SCIN: variants seen among roughly 807,000 people sequenced by gnomAD.
SCIN encodes the protein adseverin.
In SCIN, 91 loss-of-function variants were observed where a neutral mutation model predicts 91.8. The ratio of observed to expected loss-of-function variants is 0.99; its 90% CI spans 0.84 to 1.18. The LOEUF is 1.18. Among genes scored for constraint, SCIN ranks in the 50% most tolerant of loss-of-function variants. SCIN has a pLI of 0.00. For synonymous variants in SCIN, 367 were observed against 312.6 expected (o/e 1.17, Z -1.84); for missense variants, 1,087 against 863.9 (o/e 1.26, Z -3.24).
At chr7:12,608,627 AC>A (rs1783129377) in intron 4 of SCIN, among the ~76,000 whole-genome samples, 1 of 151,848 alleles carries the variant, frequency 6.6e-6, no homozygotes, top group Non-Finnish European at 1.5e-5. Flanking sequence ...ACAGGCACCC[AC>A]CACCACACCC....
At chr7:12,609,553 CTA>C (rs2115256458) in intron 4 of SCIN, among the ~76,000 whole-genome samples, 1 of 151,822 alleles carries the variant, frequency 6.6e-6, no homozygotes, top group Non-Finnish European at 1.5e-5. Context: ...GAAAAAAATA[CTA>C]TGTTTTTTAG....
intron 9 of SCIN, among the ~76,000 whole-genome samples, chr7:12,629,665 T>C (rs1393881159): frequency 6.6e-6 from 1 of 152,220 alleles, no homozygotes; most frequent in Non-Finnish European, 1.5e-5. Flanking sequence ...CTCAACTTGA[T>C]GCAATTCTTA....
In SCIN at chr7:12,578,133, G is replaced by T; in HGVS notation, c.269G>T (p.Gly90Val). 2 of 1,551,308 alleles carry T rather than the reference G, an allele frequency of 1.3e-6. No homozygotes were observed. The highest frequency in any genetic ancestry group is 1.7e-6 in the Non-Finnish European group (2 of 1,146,708). Residue 90 changes from glycine to valine, a missense_variant, in exon 2 of 16, where the codon GGT (glycine) becomes GTT (valine). Physicochemically the swap from Gly to Val is moderately radical, Grantham distance 109 (BLOSUM62 -3). Coordinates refer to ENST00000297029, the MANE Select transcript of SCIN (RefSeq NM_001112706.3). ...IFTVQMDDYL[G>V]GKPVQNRELQ... ...ACTGTTCAGATGGATGACTATTTGG[G>T]TGGCAAGCCAGTGCAGAATAGAGAA...
intron 9 of SCIN, among the ~76,000 whole-genome samples, chr7:12,633,117 T>C (rs2115282995): frequency 6.6e-6 from 1 of 152,260 alleles, no homozygotes; most frequent in African/African-American, 2.4e-5. Context: ...TATGTGATAA[T>C]TTCAATACAG....
At chr7:12,609,070 T>C (rs2115255910) in intron 4 of SCIN, among the ~76,000 whole-genome samples, 1 of 152,300 alleles carries the variant, frequency 6.6e-6, no homozygotes, top group South Asian at 2.1e-4. Flanking sequence ...TCACACAGTT[T>C]TTATATGGCT....
intron 3 of SCIN, among the ~76,000 whole-genome samples, chr7:12,593,034 G>C (rs1330371282): frequency 6.6e-6 from 1 of 152,212 alleles, no homozygotes; most frequent in Admixed American, 6.5e-5. Context: ...TGAAGGGATG[G>C]TGGCTCTGAG....
At chr7:12,611,366 G>T (rs1469672534) in intron 4 of SCIN, among the ~76,000 whole-genome samples, 1 of 152,256 alleles carries the variant, frequency 6.6e-6, no homozygotes, top group East Asian at 1.9e-4. Flanking sequence ...CAAAGTAAAA[G>T]ATTACCAAAT....
intron 3 of SCIN, chr7:12,596,450 T>C: frequency 2.2e-6 from 1 of 456,292 alleles, no homozygotes; most frequent in Non-Finnish European, 4.4e-6. Flanking sequence ...GGAAATGGCC[T>C]CTTTCTGGTG....
chr7:12,595,022 G>C (rs754987873), intron 3 of SCIN, among the ~76,000 whole-genome samples: 4 of 151,976 alleles, frequency 2.6e-5, no homozygotes, highest in Non-Finnish European at 4.4e-5. Flanking sequence ...AGGTTGGCTG[G>C]GTAAGGGATG....
At position 12,644,207 on chromosome 7, in the gene SCIN, T is replaced by G; in HGVS notation, c.1651T>G (p.Tyr551Asp). The change falls in exon 12 of 16, where the codon TAC becomes GAC. Residue 551 changes from tyrosine to aspartate, a missense_variant. Transcript: ENST00000297029. ...CCTGAAACTGCCACAAAATAGTGGC[T>G]ACATCTGGGTAGGAAAAGGTGCTAG... ...FVLKLPQNSG[Y>D]IWVGKGASQE... 1 of 1,611,876 alleles carries G rather than the reference T, an allele frequency of 6.2e-7. No homozygotes were observed. The highest frequency in any genetic ancestry group is 8.5e-7 in the Non-Finnish European group (1 of 1,178,852).
rs202237021 is a variant in SCIN at position 12,652,705 on chromosome 7, G to T, written c.2138G>T (p.Ser713Ile). 1.2e-6 allele frequency: 2 copies of T among 1,603,628 alleles called. No homozygotes were observed. The highest frequency in any genetic ancestry group is 2.3e-5 in the East Asian group (1 of 44,254). The change falls in exon 16 of 16, where the codon AGC (serine) becomes ATC (isoleucine). Residue 713 changes from serine to isoleucine, a missense_variant. Transcript: ENST00000297029. Reference sequence around the variant, plus strand: ...GGCTGGTTCCTGGGCTGGGATTCCAGCAAGTGGTAAATTGGTATTTGTAAA... The same window carrying T: ...GGCTGGTTCCTGGGCTGGGATTCCATCAAGTGGTAAATTGGTATTTGTAAA... Reference protein sequence around the residue: ...FTGWFLGWDSSKW With the variant: ...FTGWFLGWDSIKW
At chr7:12,614,487 CA>C (rs1783260113) in intron 4 of SCIN, among the ~76,000 whole-genome samples, 1 of 152,026 alleles carries the variant, frequency 6.6e-6, no homozygotes, top group African/African-American at 2.4e-5. Flanking sequence ...TGTGTTCCTC[CA>C]AAAGTTGACT....
At chr7:12,590,486 T>C (rs745926036) in intron 3 of SCIN, among the ~76,000 whole-genome samples, 4 of 152,018 alleles carry the variant, frequency 2.6e-5, no homozygotes, top group Non-Finnish European at 5.9e-5. Flanking sequence ...TATGGAAGGA[T>C]TGGTGAAGAG....
In SCIN at chr7:12,655,087, T is replaced by G. The variant is rs1049127468; in HGVS notation, c.*2372T>G. 6 of 152,326 alleles carry G rather than the reference T, an allele frequency of 3.9e-5. No homozygotes were observed. The highest frequency in any genetic ancestry group is 3.3e-4 in the Admixed American group (5 of 15,302). 9.4% of individuals were successfully genotyped at this position (152,326 alleles called of 1,614,324 possible). ...CTCAAGTCCCTTATATAAAACGGCA[T>G]AGTATTTGCATAAAACCTATACCAT... On this transcript the variant is annotated 3_prime_UTR_variant, in exon 16 of 16. Coordinates refer to ENST00000297029, the MANE Select transcript of SCIN (RefSeq NM_001112706.3).
rs189517449 is a variant in SCIN at position 12,657,255 on chromosome 7, G to C, written c.*4540G>C. 1.0e-4 allele frequency: 11 copies of C among 106,970 alleles called. No individual in the cohort carries two copies. Among genetic ancestry groups the C allele is most frequent in the Admixed American group, 7.2e-4 (5 of 6,960 alleles). 6.6% of individuals were successfully genotyped at this position (106,970 alleles called of 1,614,324 possible). ...TTTTTTTGAGATAGGTTCTCACTCT[G>C]TTGCCCAGGCTGGAGTACAGTAGCG... On this transcript the variant is annotated 3_prime_UTR_variant, in exon 16 of 16. Coordinates refer to ENST00000297029, the MANE Select transcript of SCIN (RefSeq NM_001112706.3).
chr7:12,598,915 AAG>A (rs1167805255), intron 3 of SCIN, among the ~76,000 whole-genome samples: 14 of 152,158 alleles, frequency 9.2e-5, no homozygotes, highest in Non-Finnish European at 1.3e-4. Context: ...CTCAAAAAAA[AAG>A]AGAGAGAGAA....
intron 3 of SCIN, chr7:12,596,238 A>G: frequency 2.5e-6 from 1 of 406,962 alleles, no homozygotes; most frequent in Non-Finnish European, 5.0e-6. Flanking sequence ...AGTCGTACAC[A>G]TGCCAACCTG....
intron 3 of SCIN, among the ~76,000 whole-genome samples, chr7:12,597,014 A>C (rs574369379): frequency 1.3e-5 from 2 of 152,104 alleles, no homozygotes; most frequent in African/African-American, 4.8e-5. Flanking sequence ...CCTGCACACC[A>C]CTCCATTCAT....
intron 3 of SCIN, chr7:12,588,890 G>C (rs947010486): frequency 1.4e-5 from 2 of 146,678 alleles, no homozygotes; most frequent in African/African-American, 5.1e-5. Context: ...CCTTTTAATA[G>C]GTAATAGAAG....
Sources: allele counts gnomAD v4.1 joint callset (sites outside exome capture counted in the v4.1 genomes callset), GRCh38; gene constraint gnomAD v4.1.1; transcripts MANE v1.5; gene names NCBI Gene and HGNC (gene_info 2026-07-23, HGNC 2026-07-21).